HIPK2: variants seen among roughly 807,000 people sequenced by gnomAD.
HIPK2 encodes the protein homeodomain interacting protein kinase 2, also known as homeodomain-interacting protein kinase 2.
Under a neutral mutation model 113.7 loss-of-function variants are expected in HIPK2, and 27 were observed. The observed-to-expected ratio is 0.24, with a 90% CI of 0.17 to 0.33. The LOEUF (loss-of-function observed/expected upper bound fraction) is 0.33, where lower values mean the gene tolerates loss of function less well. HIPK2 is among the 10% of genes least tolerant of loss of function. The pLI is 1.00. For synonymous variants in HIPK2, 631 were observed against 642.2 expected, an observed-to-expected ratio of 0.98 and a Z score of 0.26; for missense variants, 1,257 against 1,588.0, an observed-to-expected ratio of 0.79 and a Z score of 3.54.
chr7:139,604,704 A>G (rs1799561490), intron 9 of HIPK2, among the ~76,000 whole-genome samples: 2 of 151,644 alleles, frequency 1.3e-5, no homozygotes, highest in Admixed American at 1.3e-4. Context: ...AAAAAAAAAA[A>G]AAAAAGAACA....
chr7:139,604,368 T>A, intron 9 of HIPK2, 145 bp from the exon 10 acceptor site: 1 of 1,155,026 alleles, frequency 8.7e-7, no homozygotes, highest in Non-Finnish European at 1.2e-6. Context: ...CCTCAAAAAC[T>A]AAAGTAAGGG....
chr7:139,620,603 G>C (rs763825530), intron 6 of HIPK2, 40 bp from the exon 7 acceptor site: 1 of 1,607,764 alleles, frequency 6.2e-7, no homozygotes. Context: ...AGACATAAGG[G>C]GAGGGGAAGA....
At chr7:139,747,497 C>G (rs1428716190) in intron 1 of HIPK2, among the ~76,000 whole-genome samples, 1 of 152,244 alleles carries the variant, frequency 6.6e-6, no homozygotes, top group Admixed American at 6.5e-5. Context: ...GTATCTTAAT[C>G]TACCCCATCT....
Position 139,749,541 on chromosome 7 carries a change from G to C in HIPK2, c.19+28064C>G, listed in dbSNP as rs116270153. ...TGAGATCTACTTCACATCAGGCTAA[G>C]AAAGCTCTCTGGATGGCCATCACTG... On this transcript the variant is annotated intron_variant, in intron 1 of 14. Transcript: ENST00000406875. Among the ~76,000 whole-genome samples, 1,090 of 152,342 alleles carry C rather than the reference G, an allele frequency of 7.2e-3. 13 individuals carry two copies. The highest frequency in any genetic ancestry group is 0.025 in the African/African-American group (1,024 of 41,570).
At chr7:139,666,351 A>C (rs1802049101) in intron 2 of HIPK2, among the ~76,000 whole-genome samples, 1 of 152,204 alleles carries the variant, frequency 6.6e-6, no homozygotes, top group African/African-American at 2.4e-5. Context: ...GTGTCCTCTG[A>C]AAGAGGCCTT....
chr7:139,584,138 C>G (rs1798760267), intron 12 of HIPK2, 74 bp from the exon 13 acceptor site: 2 of 1,525,996 alleles, frequency 1.3e-6, no homozygotes, highest in East Asian at 4.5e-5. Flanking sequence ...ACTTCATGCC[C>G]TGGGGCAGGG....
At chr7:139,766,682 A>G (rs1796558290) in intron 1 of HIPK2, among the ~76,000 whole-genome samples, 1 of 152,246 alleles carries the variant, frequency 6.6e-6, no homozygotes, top group Non-Finnish European at 1.5e-5. Context: ...AAGTGGACTG[A>G]GGTTCAAACT....
intron 1 of HIPK2, among the ~76,000 whole-genome samples, chr7:139,748,213 T>C (rs1355788558): frequency 1.3e-5 from 2 of 152,198 alleles, no homozygotes; most frequent in Non-Finnish European, 2.9e-5. Flanking sequence ...CTGCTTTCTA[T>C]GACACTTTTG....
chr7:139,716,340 T>C lies in HIPK2; in HGVS notation c.695A>G (p.Asn232Ser). 3.7e-6 allele frequency: 6 copies of C among 1,614,060 alleles called. No homozygotes were observed. The highest frequency in any genetic ancestry group is 5.1e-6 in the Non-Finnish European group (6 of 1,179,998). The change falls in exon 2 of 15, where the codon AAC becomes AGC. Residue 232 changes from asparagine to serine, a missense_variant. Asn to Ser is a conservative substitution (Grantham distance 46). This residue lies in a region of HIPK2 where 78 missense variants were observed against 145.7 expected (regional missense o/e 0.54). Transcript: ENST00000406875. The surrounding 1 kb of genome is among the most constrained non-coding windows in gnomAD (Gnocchi z 9.3). Reference sequence around the variant, plus strand: ...ACCTTGTCGGGCATAGGATGGGTGGTTCTTCAGGATCTTGATGGCTACGAT... The same window carrying C: ...ACCTTGTCGGGCATAGGATGGGTGGCTCTTCAGGATCTTGATGGCTACGAT... Reference protein sequence around the residue: ...NEIVAIKILKNHPSYARQGQI... With the variant: ...NEIVAIKILKSHPSYARQGQI...
chr7:139,604,373 T>A (rs1390451474), intron 9 of HIPK2, 150 bp from the exon 10 acceptor site: 2 of 1,078,938 alleles, frequency 1.9e-6, no homozygotes, highest in Non-Finnish European at 2.6e-6. Flanking sequence ...AAAACTAAAG[T>A]AAGGGGAGAT....
intron 2 of HIPK2, among the ~76,000 whole-genome samples, chr7:139,680,247 C>T (rs116800710): frequency 2.0e-5 from 3 of 152,324 alleles, no homozygotes; most frequent in African/African-American, 7.2e-5. Flanking sequence ...CTCCTCCTGT[C>T]CCCCGACTGC....
chr7:139,668,665 A>G (rs1802147891), intron 2 of HIPK2, among the ~76,000 whole-genome samples: 1 of 152,134 alleles, frequency 6.6e-6, no homozygotes, highest in Non-Finnish European at 1.5e-5. Context: ...CTGAAGTTTG[A>G]TTAGAAAAAA....
chr7:139,668,111 C>T lies in HIPK2; in HGVS notation c.1104-36386G>A, dbSNP rs189185866. ...ATTGCACTCCAGCCTGGGTGACAAG[C>T]GCAAAACTCCATCTCAAAAAAAAAA... On this transcript the variant is annotated intron_variant, in intron 2 of 14. Transcript: ENST00000406875. Among the ~76,000 whole-genome samples, 17 of 131,466 alleles carry T rather than the reference C, an allele frequency of 1.3e-4. No individual in the cohort carries two copies. In the East Asian group the frequency reaches 2.7e-3, roughly 21 times the overall value. The allele number at this position is 131,466 out of a possible 152,430, so 86.2% of individuals were successfully genotyped here. A position where few individuals can be genotyped will look rare whatever the true frequency, so the allele number is the denominator to read the frequency against.
intron 2 of HIPK2, among the ~76,000 whole-genome samples, chr7:139,648,411 G>A (rs1052858239): frequency 3.3e-5 from 5 of 152,184 alleles, no homozygotes; most frequent in Admixed American, 2.6e-4. Flanking sequence ...TCACTAGGGA[G>A]TCACAGTTCA....
At chr7:139,766,713 TTA>T (rs1796558690) in intron 1 of HIPK2, among the ~76,000 whole-genome samples, 1 of 152,248 alleles carries the variant, frequency 6.6e-6, no homozygotes, top group Non-Finnish European at 1.5e-5. Flanking sequence ...CAATTACTTG[TTA>T]TGAGTCCTTG....
At chr7:139,612,919 T>G (rs1185253747) in intron 9 of HIPK2, among the ~76,000 whole-genome samples, 1 of 152,224 alleles carries the variant, frequency 6.6e-6, no homozygotes, top group Non-Finnish European at 1.5e-5. Context: ...TACTAGCAGT[T>G]AGGATTAAAA....
chr7:139,759,904 T>G (rs940026411), intron 1 of HIPK2, among the ~76,000 whole-genome samples: 1 of 152,174 alleles, frequency 6.6e-6, no homozygotes, highest in Non-Finnish European at 1.5e-5. Context: ...CTTCTCTATA[T>G]TGTTTAATTA....
chr7:139,667,846 T>C (rs749452081), intron 2 of HIPK2, among the ~76,000 whole-genome samples: 5 of 152,132 alleles, frequency 3.3e-5, no homozygotes, highest in Non-Finnish European at 5.9e-5. Flanking sequence ...TACTTGTGGC[T>C]GGGAGCGGTG....
chr7:139,767,570 C>T (rs1796574056), intron 1 of HIPK2, among the ~76,000 whole-genome samples: 1 of 152,192 alleles, frequency 6.6e-6, no homozygotes, highest in Admixed American at 6.5e-5. Context: ...CAAAACATAA[C>T]AGCTGTCAGA....
Sources: allele counts gnomAD v4.1 joint callset (sites outside exome capture counted in the v4.1 genomes callset), GRCh38; gene constraint gnomAD v4.1.1; regional missense constraint gnomAD v4.1.1; non-coding constraint Gnocchi (gnomAD v3.1); transcripts MANE v1.5; gene names NCBI Gene and HGNC (gene_info 2026-07-23, HGNC 2026-07-21).